KCNK13: variants seen among roughly 807,000 people sequenced by gnomAD.
KCNK13 encodes the protein potassium two pore domain channel subfamily K member 13, also known as potassium channel subfamily K member 13.
KCNK13 carries 12 observed loss-of-function variants against 23.4 expected under a neutral mutation model. The ratio of observed to expected loss-of-function variants is 0.51; its 90% CI spans 0.33 to 0.83. The LOEUF is 0.83. Ranked by LOEUF, KCNK13 falls within the 40% of genes least tolerant of loss-of-function variation. The pLI, the probability that KCNK13 is intolerant of heterozygous loss-of-function variation, is 0.02. For synonymous variants in KCNK13, 231 were observed against 229.5 expected, an observed-to-expected ratio of 1.01 and a Z score of -0.06; for missense variants, 463 against 556.3, an observed-to-expected ratio of 0.83 and a Z score of 1.69.
Position 90,181,577 on chromosome 14 carries a change from G to A in KCNK13, c.335-2534G>A, listed in dbSNP as rs148319900. On this transcript the variant is annotated intron_variant, in intron 1 of 1. Coordinates refer to ENST00000282146, the MANE Select transcript of KCNK13 (RefSeq NM_022054.4). ...GGGGGCACATAAACACTCAGACCAC[G>A]GCAGTGGCCCAGACATGTAGTGAGG... Among the ~76,000 whole-genome samples, 722 of 152,254 alleles carry A rather than the reference G, an allele frequency of 4.7e-3. 5 individuals carry two copies. Among genetic ancestry groups the A allele is most frequent in the African/African-American group, 0.016 (682 of 41,544 alleles).
chr14:90,181,582 T>C (rs1890486573), intron 1 of KCNK13, among the ~76,000 whole-genome samples: 1 of 152,198 alleles, frequency 6.6e-6, no homozygotes, highest in Admixed American at 6.5e-5. Flanking sequence ...ACCACGGCAG[T>C]GGCCCAGACA....
chr14:90,075,797 G>A (rs1396410210), intron 1 of KCNK13, among the ~76,000 whole-genome samples: 1 of 151,950 alleles, frequency 6.6e-6, no homozygotes. Flanking sequence ...TATCTTTTTT[G>A]ATCTTCCCAT....
intron 1 of KCNK13, among the ~76,000 whole-genome samples, chr14:90,108,928 G>C (rs1889578999): frequency 6.6e-6 from 1 of 152,308 alleles, no homozygotes; most frequent in East Asian, 1.9e-4. Context: ...TGTAATCCCA[G>C]CACTTTGGGA....
chr14:90,071,764 T>G (rs1331914494), intron 1 of KCNK13, among the ~76,000 whole-genome samples: 1 of 151,916 alleles, frequency 6.6e-6, no homozygotes, highest in Non-Finnish European at 1.5e-5. Context: ...TGGGTGTGGT[T>G]ATGCACGCCT....
chr14:90,144,056 G>A (rs189885415), intron 1 of KCNK13, among the ~76,000 whole-genome samples: 374 of 152,252 alleles, frequency 2.5e-3, no homozygotes, highest in African/African-American at 8.4e-3. Flanking sequence ...CAGGTTCTTT[G>A]TATTTCCATG....
intron 1 of KCNK13, among the ~76,000 whole-genome samples, chr14:90,087,153 TA>T (rs71117318): frequency 0.062 from 5,269 of 85,156 alleles, 133 homozygotes; most frequent in African/African-American, 0.12. Context: ...TATATATATA[TA>T]TTTTTTTTTT....
intron 1 of KCNK13, among the ~76,000 whole-genome samples, chr14:90,072,352 G>T (rs765545698): frequency 5.3e-5 from 8 of 152,340 alleles, no homozygotes; most frequent in Non-Finnish European, 1.0e-4. Flanking sequence ...GAATGTAAAT[G>T]AGTGTAACGG....
chr14:90,107,305 C>T (rs1889556769), intron 1 of KCNK13, among the ~76,000 whole-genome samples: 1 of 152,078 alleles, frequency 6.6e-6, no homozygotes, highest in African/African-American at 2.4e-5. Context: ...TGGTGAAACC[C>T]CATCTCTACT....
In KCNK13 at chr14:90,062,678, C is replaced by A; in HGVS notation, c.334+139C>A. On this transcript the variant is annotated intron_variant, in intron 1 of 1. Transcript: ENST00000282146. The surrounding 1 kb of genome is among the most constrained non-coding windows in gnomAD (Gnocchi z 4.5). ...CCACTGACATGAGCTGTCGCCTGATCAACAGGTGGTATTGCCTCCCCGCTG... is the reference window on the plus strand; with the variant it reads ...CCACTGACATGAGCTGTCGCCTGATAAACAGGTGGTATTGCCTCCCCGCTG... 1.6e-6 allele frequency: 1 copy of A among 619,386 alleles called. No individual in the cohort carries two copies. Among genetic ancestry groups the A allele is most frequent in the Non-Finnish European group, 2.7e-6 (1 of 377,210 alleles). The allele number at this position is 619,386 out of a possible 1,614,324, so 38.4% of individuals were successfully genotyped here.
chr14:90,122,507 AT>A (rs890200475), intron 1 of KCNK13, among the ~76,000 whole-genome samples: 6 of 149,000 alleles, frequency 4.0e-5, no homozygotes, highest in South Asian at 2.1e-4. Flanking sequence ...ACCCGGCTAA[AT>A]TTTTTTTTTG....
intron 1 of KCNK13, among the ~76,000 whole-genome samples, chr14:90,094,047 G>A (rs1284313407): frequency 2.0e-5 from 3 of 152,130 alleles, no homozygotes; most frequent in South Asian, 2.1e-4. Flanking sequence ...CCATGGAGAA[G>A]GGTGAGACAG....
chr14:90,111,859 G>A (rs1413452841), intron 1 of KCNK13, among the ~76,000 whole-genome samples: 1 of 152,164 alleles, frequency 6.6e-6, no homozygotes, highest in East Asian at 1.9e-4. Context: ...AACTTCTCTA[G>A]TAATATTCTG....
rs34511761 is a variant in KCNK13, at chr14:90,122,320, ATTT to A, written c.334+59795_334+59797del. 6.2e-5 allele frequency among the ~76,000 whole-genome samples: 9 copies of A among 144,330 alleles called. 3 individuals carry two copies. Among genetic ancestry groups the A allele is most frequent in the African/African-American group, 2.0e-4 (8 of 39,382 alleles). 94.7% of individuals were successfully genotyped at this position (144,330 alleles called of 152,430 possible). On this transcript the variant is annotated intron_variant, in intron 1 of 1. Transcript: ENST00000282146. ...ATATTTTAAAGACTTTTCACCCATA[ATTT>A]TTTTTTTTTTTTTAGACAGAGTCTT...
intron 1 of KCNK13, among the ~76,000 whole-genome samples, chr14:90,072,204 A>G (rs1889083636): frequency 6.6e-6 from 1 of 152,148 alleles, no homozygotes; most frequent in Admixed American, 6.5e-5. Context: ...CTTTGGCCAG[A>G]GAGTCATCCT....
chr14:90,140,125 G>A (rs1889988218), intron 1 of KCNK13, among the ~76,000 whole-genome samples: 1 of 152,140 alleles, frequency 6.6e-6, no homozygotes, highest in African/African-American at 2.4e-5. Context: ...TATCATGAAA[G>A]AGACTGGAGA....
In KCNK13 at chr14:90,185,058, C is replaced by G. The variant is rs1233687232; in HGVS notation, c.*55C>G. 1 of 1,438,756 alleles carries G rather than the reference C, an allele frequency of 7.0e-7. No homozygotes were observed. 89.1% of individuals were successfully genotyped at this position (1,438,756 alleles called of 1,614,324 possible). A position where few individuals can be genotyped will look rare whatever the true frequency, so the allele number is the denominator to read the frequency against. ...AGAGTAGAATGGAGGATGATTGCCG[C>G]CCAGGGGACGAGCTCAGCCCTGCGC... On this transcript the variant is annotated 3_prime_UTR_variant, in exon 2 of 2. Coordinates refer to ENST00000282146, the MANE Select transcript of KCNK13 (RefSeq NM_022054.4).
intron 1 of KCNK13, among the ~76,000 whole-genome samples, chr14:90,142,050 G>T (rs1818344839): frequency 6.6e-6 from 1 of 151,566 alleles, no homozygotes; most frequent in Non-Finnish European, 1.5e-5. Flanking sequence ...GCCTCCTAAA[G>T]TGCTGGGATT....
chr14:90,074,018 G>A (rs1255787012), intron 1 of KCNK13, among the ~76,000 whole-genome samples: 2 of 151,960 alleles, frequency 1.3e-5, no homozygotes, highest in African/African-American at 4.8e-5. Flanking sequence ...GCCCAGGCTG[G>A]AGTGCAGTGA....
rs144925782 is a variant in KCNK13 at position 90,148,991 on chromosome 14, T to C, written c.335-35120T>C. On this transcript the variant is annotated intron_variant, in intron 1 of 1. Coordinates refer to ENST00000282146, the MANE Select transcript of KCNK13 (RefSeq NM_022054.4). ...GATGAATGAGGTCAGGAAAGGTTTA[T>C]ATATTGCATGGTGTATTAGTCCGTT... is the stretch of plus-strand genomic sequence containing the variant. 5.2e-3 allele frequency among the ~76,000 whole-genome samples: 787 copies of C among 152,334 alleles called. 9 individuals are homozygous for C. Among genetic ancestry groups the C allele is most frequent in the African/African-American group, 0.018 (749 of 41,570 alleles).
Sources: allele counts gnomAD v4.1 joint callset (sites outside exome capture counted in the v4.1 genomes callset), GRCh38; gene constraint gnomAD v4.1.1; non-coding constraint Gnocchi (gnomAD v3.1); transcripts MANE v1.5; gene names NCBI Gene and HGNC (gene_info 2026-07-23, HGNC 2026-07-21).